The following KIAA1328 variants were observed in gnomAD, a reference collection of about 807,000 sequenced individuals.
KIAA1328 encodes the protein protein hinderin.
A neutral mutation model predicts 68.1 loss-of-function variants in KIAA1328; 52 were observed. The ratio of observed to expected loss-of-function variants is 0.76; its 90% CI spans 0.61 to 0.96. KIAA1328 has a LOEUF of 0.96. Among genes scored for constraint, KIAA1328 ranks in the 40% least tolerant of loss-of-function variants. The pLI is 0.00. For synonymous variants in KIAA1328, 232 were observed against 239.4 expected, an observed-to-expected ratio of 0.97 and a Z score of 0.28; for missense variants, 641 against 677.6, an observed-to-expected ratio of 0.95 and a Z score of 0.60.
chr18:36,919,787 C>T (rs1408097055), intron 5 of KIAA1328, among the ~76,000 whole-genome samples: 1 of 152,060 alleles, frequency 6.6e-6, no homozygotes, highest in Non-Finnish European at 1.5e-5. Context: ...AATGATACCT[C>T]ATGGTTTTGA....
chr18:37,193,841 C>A, intron 9 of KIAA1328: 2 of 583,296 alleles, frequency 3.4e-6, no homozygotes, highest in Non-Finnish European at 6.1e-6. Flanking sequence ...GTCTCTCAAC[C>A]AAGTACCCTT....
intron 7 of KIAA1328, among the ~76,000 whole-genome samples, chr18:37,071,668 G>A (rs924664118): frequency 2.0e-5 from 3 of 152,134 alleles, no homozygotes; most frequent in African/African-American, 7.2e-5. Flanking sequence ...TGGTATGAGA[G>A]AAGGTCTGGG....
chr18:36,829,372 G>A, intron 1 of KIAA1328, 176 bp downstream of exon 1: 2 of 1,377,086 alleles, frequency 1.5e-6, no homozygotes, highest in Non-Finnish European at 1.9e-6. Context: ...GGTGTTAGGT[G>A]GCCGAGAGAC....
intron 5 of KIAA1328, among the ~76,000 whole-genome samples, chr18:36,890,765 A>G (rs1223409511): frequency 6.6e-6 from 1 of 152,242 alleles, no homozygotes; most frequent in African/African-American, 2.4e-5. Flanking sequence ...ACGAATGGAA[A>G]GACAGCCCTT....
chr18:36,845,102 C>T (rs1438484678), intron 4 of KIAA1328, among the ~76,000 whole-genome samples: 1 of 151,676 alleles, frequency 6.6e-6, no homozygotes, highest in Non-Finnish European at 1.5e-5. Flanking sequence ...TTACCTTACT[C>T]TAAGTCATAC....
At chr18:36,999,022 A>T (rs1158121717) in intron 6 of KIAA1328, among the ~76,000 whole-genome samples, 2 of 152,240 alleles carry the variant, frequency 1.3e-5, no homozygotes, top group African/African-American at 4.8e-5. Context: ...AAAATCATGT[A>T]AAGAAATCAG....
chr18:36,996,036 A>G (rs2053378236), intron 6 of KIAA1328, among the ~76,000 whole-genome samples: 1 of 152,204 alleles, frequency 6.6e-6, no homozygotes, highest in Non-Finnish European at 1.5e-5. Flanking sequence ...TCAAAATGTT[A>G]AAAGTAGGTA....
intron 7 of KIAA1328, among the ~76,000 whole-genome samples, chr18:37,096,580 T>C (rs2057415290): frequency 6.6e-6 from 1 of 152,238 alleles, no homozygotes; most frequent in African/African-American, 2.4e-5. Context: ...TATAATCCTT[T>C]GGGTATATAC....
intron 6 of KIAA1328, among the ~76,000 whole-genome samples, chr18:37,009,286 C>T (rs573971348): frequency 6.6e-6 from 1 of 152,270 alleles, no homozygotes; most frequent in East Asian, 1.9e-4. Flanking sequence ...TTAAAACCTA[C>T]ATTGCTCAAC....
At chr18:37,006,527 C>CT (rs887697079) in intron 6 of KIAA1328, among the ~76,000 whole-genome samples, 2 of 151,672 alleles carry the variant, frequency 1.3e-5, no homozygotes, top group African/African-American at 4.8e-5. Flanking sequence ...TCTTCTGTGA[C>CT]TTTTTTTTAT....
At chr18:36,947,663 G>C (rs2050957045) in intron 5 of KIAA1328, among the ~76,000 whole-genome samples, 1 of 152,136 alleles carries the variant, frequency 6.6e-6, no homozygotes, top group Non-Finnish European at 1.5e-5. Context: ...AGTGTTTTCT[G>C]TTCAAATGTT....
chr18:37,110,128 A>T (rs1259895823), intron 7 of KIAA1328, among the ~76,000 whole-genome samples: 1 of 152,114 alleles, frequency 6.6e-6, no homozygotes, highest in African/African-American at 2.4e-5. Context: ...TGCAGCCTAC[A>T]ACTGCATATT....
At chr18:37,206,316 G>T (rs2060213816) in intron 9 of KIAA1328, among the ~76,000 whole-genome samples, 3 of 152,164 alleles carry the variant, frequency 2.0e-5, no homozygotes, top group Admixed American at 6.5e-5. Context: ...GGTTTAAGGT[G>T]GTAGGGTTGA....
chr18:37,099,401 A>T (rs2057525659), intron 7 of KIAA1328, among the ~76,000 whole-genome samples: 1 of 152,138 alleles, frequency 6.6e-6, no homozygotes, highest in Non-Finnish European at 1.5e-5. Flanking sequence ...GAGTTTCTTG[A>T]TCCTGAGTTC....
At chr18:37,034,868 G>C (rs2054966354) in intron 6 of KIAA1328, among the ~76,000 whole-genome samples, 1 of 152,172 alleles carries the variant, frequency 6.6e-6, no homozygotes, top group African/African-American at 2.4e-5. Flanking sequence ...ACGTGGTACT[G>C]TGCAGGACTA....
Position 37,223,649 on chromosome 18 carries a change from C to A in KIAA1328, c.*1422C>A. On this transcript the variant is annotated 3_prime_UTR_variant, in exon 10 of 10. Transcript: ENST00000280020. The stretch of plus-strand genomic sequence containing the variant: ...GTAGACAAAGTCATACCACCCAGGG[C>A]AGCCTGCATGCAGCGAGTCTGCGTG... 2.0e-6 allele frequency: 2 copies of A among 985,352 alleles called. No individual in the cohort carries two copies. Among genetic ancestry groups the A allele is most frequent in the Non-Finnish European group, 2.4e-6 (2 of 829,912 alleles). The allele number at this position is 985,352 out of a possible 1,614,324, so 61.0% of individuals were successfully genotyped here. A position where few individuals can be genotyped will look rare whatever the true frequency, so the allele number is the denominator to read the frequency against.
chr18:37,180,381 A>G (rs915839506), intron 9 of KIAA1328, among the ~76,000 whole-genome samples: 1 of 152,146 alleles, frequency 6.6e-6, no homozygotes, highest in Non-Finnish European at 1.5e-5. Flanking sequence ...GCAACTTTCA[A>G]AGTTTTTTCA....
At chr18:37,061,122 AAGAG>A (rs1350635416) in intron 6 of KIAA1328, among the ~76,000 whole-genome samples, 4 of 152,234 alleles carry the variant, frequency 2.6e-5, no homozygotes, top group African/African-American at 9.6e-5. Context: ...CTCAAAAAAA[AAGAG>A]AAAGAAAAAT....
At chr18:37,091,085 A>G (rs781742674) in intron 7 of KIAA1328, among the ~76,000 whole-genome samples, 6 of 152,248 alleles carry the variant, frequency 3.9e-5, no homozygotes, top group Admixed American at 6.5e-5. Flanking sequence ...AAATCCAAAT[A>G]ATAAGTATAT....
Sources: gnomAD v4.1 joint callset for allele counts (sites outside exome capture counted in the v4.1 genomes callset) on GRCh38, gnomAD v4.1.1 for gene constraint, MANE v1.5 for transcripts, NCBI Gene and HGNC (gene_info 2026-07-23, HGNC 2026-07-21) for gene names.